MYH10: variants seen among roughly 807,000 people sequenced by gnomAD.
The protein encoded by MYH10 is myosin-10.
MYH10 carries 55 observed loss-of-function variants against 257.8 expected under a neutral mutation model. The observed-to-expected ratio is 0.21, with a 90% CI of 0.17 to 0.27. MYH10 has a LOEUF of 0.27. Ranked by LOEUF, MYH10 falls within the 10% of genes least tolerant of loss-of-function variation. The pLI is 1.00. For synonymous variants in MYH10, 854 were observed against 921.7 expected (o/e 0.93, Z 1.33); for missense variants, 1,631 against 2,500.6 (o/e 0.65, Z 7.42).
intron 36 of MYH10, among the ~76,000 whole-genome samples, chr17:8,485,032 AGAT>A (rs1478355942): frequency 6.6e-6 from 1 of 152,270 alleles, no homozygotes. Flanking sequence ...TTCAATTTGC[AGAT>A]GATCTGATAT....
At chr17:8,507,841 G>A (rs983465386) in intron 26 of MYH10, among the ~76,000 whole-genome samples, 2 of 152,112 alleles carry the variant, frequency 1.3e-5, no homozygotes, top group East Asian at 1.9e-4. Context: ...TGTGGTTGGT[G>A]CATGCCTGTA....
chr17:8,612,132 CATGCT>C (rs2085064866), intron 2 of MYH10, among the ~76,000 whole-genome samples: 1 of 152,262 alleles, frequency 6.6e-6, no homozygotes, highest in Non-Finnish European at 1.5e-5. Context: ...CCAGCATCAT[CATGCT>C]GTACAGCTAT....
At chr17:8,590,288 C>T (rs1055331417) in intron 3 of MYH10, among the ~76,000 whole-genome samples, 2 of 152,152 alleles carry the variant, frequency 1.3e-5, no homozygotes, top group Non-Finnish European at 2.9e-5. Context: ...GAACACAGTA[C>T]TGTCCTGCTC....
rs569521738 is a variant in MYH10, at chr17:8,549,836, T to C, written c.920-1049A>G. Among the ~76,000 whole-genome samples the C allele has an allele frequency of 1.5e-3, 233 of 151,066 alleles. 4 individuals are homozygous for C. In the Middle Eastern group the frequency reaches 0.024, roughly 16 times the overall value. ...GACTCAGCCTGCCCAGTGCCTGCGA[T>C]TGAAAGCTCGCGCCGCCACGCCTGA... is the stretch of plus-strand genomic sequence containing the variant. On this transcript the variant is annotated intron_variant, in intron 9 of 42. Coordinates refer to ENST00000360416, the MANE Select transcript of MYH10 (RefSeq NM_001256012.3).
At chr17:8,572,305 C>T (rs2083377645) in intron 6 of MYH10, among the ~76,000 whole-genome samples, 2 of 149,024 alleles carry the variant, frequency 1.3e-5, no homozygotes, top group Non-Finnish European at 1.5e-5. Flanking sequence ...TGATTCTATT[C>T]TTCTTGTGTT....
chr17:8,481,648 G>A (rs1913835856), intron 37 of MYH10, among the ~76,000 whole-genome samples: 1 of 152,192 alleles, frequency 6.6e-6, no homozygotes, highest in Non-Finnish European at 1.5e-5. Flanking sequence ...ATTGCCATAA[G>A]GGCTTTGCTG....
At chr17:8,583,446 A>G (rs2083782670) in intron 4 of MYH10, among the ~76,000 whole-genome samples, 1 of 152,060 alleles carries the variant, frequency 6.6e-6, no homozygotes, top group African/African-American at 2.4e-5. Context: ...ATACAAATTC[A>G]TTTAACATGA....
chr17:8,525,120 T>C (rs2081799003), intron 17 of MYH10, among the ~76,000 whole-genome samples: 1 of 152,244 alleles, frequency 6.6e-6, no homozygotes, highest in Non-Finnish European at 1.5e-5. Context: ...TCACATTCCA[T>C]CCTTTTCTCT....
intron 9 of MYH10, among the ~76,000 whole-genome samples, chr17:8,551,530 A>C (rs1480389728): frequency 6.6e-6 from 1 of 152,146 alleles, no homozygotes; most frequent in Non-Finnish European, 1.5e-5. Flanking sequence ...TATATTTCTA[A>C]CCCAGCAAAA....
At chr17:8,511,015 C>CATATATATATAAT (rs2081250819) in intron 24 of MYH10, 1 of 120,546 alleles carries the variant, frequency 8.3e-6, no homozygotes, top group African/African-American at 3.9e-5. Context: ...TCATGTACCC[C>CATATATATATAAT]ATATATATAT....
intron 17 of MYH10, among the ~76,000 whole-genome samples, chr17:8,526,150 G>A (rs2081839275): frequency 6.6e-6 from 1 of 152,102 alleles, no homozygotes; most frequent in African/African-American, 2.4e-5. Flanking sequence ...CATCTTGTGG[G>A]TAAAAGAGAA....
chr17:8,538,299 G>A (rs1295451732), intron 14 of MYH10, among the ~76,000 whole-genome samples: 1 of 152,122 alleles, frequency 6.6e-6, no homozygotes, highest in Non-Finnish European at 1.5e-5. Flanking sequence ...TCCACCTCCC[G>A]GCTTCAAGCG....
intron 11 of MYH10, among the ~76,000 whole-genome samples, chr17:8,546,936 T>G (rs2082464031): frequency 6.6e-6 from 1 of 152,164 alleles, no homozygotes; most frequent in Admixed American, 6.5e-5. Context: ...CTCACTATGT[T>G]GGCCAGGATG....
chr17:8,600,415 T>C (rs2084547225), intron 3 of MYH10, among the ~76,000 whole-genome samples: 1 of 152,210 alleles, frequency 6.6e-6, no homozygotes, highest in African/African-American at 2.4e-5. Context: ...TCCAATCTTC[T>C]TGATTGGACT....
At chr17:8,536,296 G>C (rs773784320) in intron 14 of MYH10, among the ~76,000 whole-genome samples, 2 of 152,124 alleles carry the variant, frequency 1.3e-5, no homozygotes, top group Non-Finnish European at 2.9e-5. Flanking sequence ...TGACTGGCTG[G>C]AGAAATCATT....
intron 11 of MYH10, 84 bp downstream of exon 11, chr17:8,548,229 G>A: frequency 1.0e-6 from 1 of 979,498 alleles, no homozygotes; most frequent in Non-Finnish European, 1.6e-6. Flanking sequence ...CTTCAGAGGT[G>A]CTTTTACGCT....
chr17:8,520,417 A>G (rs951939495), intron 19 of MYH10, among the ~76,000 whole-genome samples: 3 of 152,162 alleles, frequency 2.0e-5, no homozygotes, highest in African/African-American at 7.2e-5. Context: ...AATCGCTTGA[A>G]CCTGGGAGGC....
chr17:8,546,639 G>A lies in MYH10; in HGVS notation c.1183C>T (p.Leu395Phe), dbSNP rs2082452725. Residue 395 changes from leucine (L) to phenylalanine (F), a missense_variant, in exon 12 of 43, where the codon CTT becomes TTT. Leu to Phe is a conservative substitution (Grantham distance 22, BLOSUM62 0). Coordinates refer to ENST00000360416, the MANE Select transcript of MYH10 (RefSeq NM_001256012.3). Reference protein sequence around the residue: ...NTVAQKLCHLLGMNVMEFTRA... With the variant: ...NTVAQKLCHLFGMNVMEFTRA... ...GTAAACTCCATCACATTCATCCCAAGAAGATGGCAGAGCTTCTGCGCAACT... is the reference window on the plus strand; with the variant it reads ...GTAAACTCCATCACATTCATCCCAAAAAGATGGCAGAGCTTCTGCGCAACT... 1 of 1,613,836 alleles carries A rather than the reference G, an allele frequency of 6.2e-7. No homozygotes were observed. Among genetic ancestry groups the A allele is most frequent in the Non-Finnish European group, 8.5e-7 (1 of 1,179,956 alleles).
At chr17:8,476,010 T>G in intron 42 of MYH10, 62 bp from the exon 43 acceptor site, 1 of 1,550,348 alleles carries the variant, frequency 6.5e-7, no homozygotes, top group Non-Finnish European at 8.7e-7. Context: ...GCTGTCAATA[T>G]GTTCAACCAC....
Sources: gnomAD v4.1 joint callset for allele counts (sites outside exome capture counted in the v4.1 genomes callset) on GRCh38, gnomAD v4.1.1 for gene constraint, MANE v1.5 for transcripts, NCBI Gene and HGNC (gene_info 2026-07-23, HGNC 2026-07-21) for gene names.